The following DLC1 variants were observed in gnomAD, a reference collection of about 807,000 sequenced individuals.
The protein encoded by DLC1 is rho GTPase-activating protein 7.
In DLC1, 54 loss-of-function variants were observed where a neutral mutation model predicts 140.3. That is an observed-to-expected ratio of 0.38 (90% CI 0.31 to 0.48). The LOEUF is 0.48. Among genes scored for constraint, DLC1 ranks in the 20% least tolerant of loss-of-function variants. DLC1 has a pLI of 0.96. For missense variants in DLC1, 2,536 were observed against 1,907.0 expected (o/e 1.33, Z -6.14); for synonymous variants, 986 against 728.1 (o/e 1.35, Z -5.70).
intron 2 of DLC1, among the ~76,000 whole-genome samples, chr8:13,465,442 G>A (rs1799887800): frequency 6.6e-6 from 1 of 152,176 alleles, no homozygotes; most frequent in African/African-American, 2.4e-5. Flanking sequence ...AATCTAGAGA[G>A]AGTGAAATGG....
chr8:13,471,183 C>T (rs1185116007), intron 2 of DLC1, among the ~76,000 whole-genome samples: 1 of 151,168 alleles, frequency 6.6e-6, no homozygotes, highest in Non-Finnish European at 1.5e-5. Context: ...TCAAGGGGTA[C>T]AAAGTTTTAA....
In DLC1 at chr8:13,083,813, C is replaced by G. The variant is rs1488098309; in HGVS notation, c.*1998G>C. 1.3e-5 allele frequency: 2 copies of G among 152,584 alleles called. No homozygotes were observed. Among genetic ancestry groups the G allele is most frequent in the African/African-American group, 4.8e-5 (2 of 41,442 alleles). 9.5% of individuals were successfully genotyped at this position (152,584 alleles called of 1,614,324 possible). On this transcript the variant is annotated 3_prime_UTR_variant, in exon 18 of 18. Coordinates refer to ENST00000276297, the MANE Select transcript of DLC1 (RefSeq NM_182643.3). ...ATTTGCAGTCCGATTTTTCCTTCAG[C>G]AAATCGCTCTTTTGATTGTAGTTGA...
In DLC1 at chr8:13,278,226, C is replaced by A. The variant is rs141290543; in HGVS notation, c.1348+27043G>T. ...ACCTCCGTGCCTGCACGGGCCAATTCCAAATGAAAATCCTCTATTAAAGAT... is the reference window on the plus strand; with the variant it reads ...ACCTCCGTGCCTGCACGGGCCAATTACAAATGAAAATCCTCTATTAAAGAT... On this transcript the variant is annotated intron_variant, in intron 5 of 17. Coordinates refer to ENST00000276297, the MANE Select transcript of DLC1 (RefSeq NM_182643.3). Among the ~76,000 whole-genome samples the A allele has an allele frequency of 2.2e-3, 329 of 152,284 alleles. 2 individuals are homozygous for A. The highest frequency in any genetic ancestry group is 4.8e-3 in the Admixed American group (74 of 15,296).
intron 5 of DLC1, among the ~76,000 whole-genome samples, chr8:13,126,724 A>G (rs1484400941): frequency 1.3e-5 from 2 of 152,238 alleles, no homozygotes; most frequent in Admixed American, 6.5e-5. Flanking sequence ...TGGCATACAA[A>G]TAAACTCTTT....
intron 4 of DLC1, among the ~76,000 whole-genome samples, chr8:13,371,496 G>A (rs1835726763): frequency 6.6e-6 from 1 of 151,896 alleles, no homozygotes; most frequent in Admixed American, 6.6e-5. Flanking sequence ...GAACATGTAA[G>A]TCCATGTACC....
At chr8:13,385,060 G>C (rs568244409) in intron 4 of DLC1, among the ~76,000 whole-genome samples, 10 of 152,170 alleles carry the variant, frequency 6.6e-5, no homozygotes, top group Non-Finnish European at 1.3e-4. Context: ...CAGTCAGCTT[G>C]GCTGGGACAG....
chr8:13,207,741 G>T (rs1402684683), intron 5 of DLC1, among the ~76,000 whole-genome samples: 1 of 152,102 alleles, frequency 6.6e-6, no homozygotes, highest in East Asian at 1.9e-4. Flanking sequence ...GTCACACCTG[G>T]GGGAGGTACT....
intron 5 of DLC1, among the ~76,000 whole-genome samples, chr8:13,220,471 A>T (rs1464955432): frequency 6.6e-6 from 1 of 152,154 alleles, no homozygotes; most frequent in South Asian, 2.1e-4. Flanking sequence ...TAAAGCACAA[A>T]ATATATTTTC....
chr8:13,231,699 A>G (rs1240237266), intron 5 of DLC1, among the ~76,000 whole-genome samples: 1 of 152,244 alleles, frequency 6.6e-6, no homozygotes, highest in Non-Finnish European at 1.5e-5. Context: ...GGAGACTGAG[A>G]TATTTGTCTA....
At chr8:13,538,368 T>TAA (rs72199875) in intron 1 of DLC1, among the ~76,000 whole-genome samples, 3 of 143,978 alleles carry the variant, frequency 2.1e-5, no homozygotes, top group African/African-American at 5.0e-5. Flanking sequence ...GCACTGAGTA[T>TAA]AAAAAAAAAA....
chr8:13,274,080 A>T (rs964603684), intron 5 of DLC1, among the ~76,000 whole-genome samples: 1 of 152,222 alleles, frequency 6.6e-6, no homozygotes, highest in Admixed American at 6.5e-5. Context: ...GTGGTAGGAC[A>T]TATAACAAAG....
At chr8:13,108,044 CAAAAAAAT>C (rs1284570436) in intron 7 of DLC1, among the ~76,000 whole-genome samples, 1 of 151,572 alleles carries the variant, frequency 6.6e-6, no homozygotes, top group African/African-American at 2.4e-5. Flanking sequence ...GACTCCATCT[CAAAAAAAT>C]AAAAAAATAA....
intron 2 of DLC1, among the ~76,000 whole-genome samples, chr8:13,414,015 A>G (rs1449719241): frequency 6.6e-6 from 1 of 152,184 alleles, no homozygotes; most frequent in Non-Finnish European, 1.5e-5. Context: ...TCAGTGATAT[A>G]AAAATAAACG....
chr8:13,399,130 A>G (rs1005345410), intron 3 of DLC1, among the ~76,000 whole-genome samples: 5 of 152,176 alleles, frequency 3.3e-5, no homozygotes, highest in Admixed American at 6.5e-5. Flanking sequence ...AAATATCCCA[A>G]GAGACCGTCA....
chr8:13,262,512 A>T (rs1476036618), intron 5 of DLC1, among the ~76,000 whole-genome samples: 4 of 152,180 alleles, frequency 2.6e-5, no homozygotes, highest in Admixed American at 6.5e-5. Context: ...CAAATTCACC[A>T]ATATTGCCAG....
At chr8:13,463,557 G>A (rs187508566) in intron 2 of DLC1, among the ~76,000 whole-genome samples, 4 of 152,246 alleles carry the variant, frequency 2.6e-5, no homozygotes, top group African/African-American at 7.2e-5. Flanking sequence ...CTTTGAAATA[G>A]GCCTGTTGAA....
intron 5 of DLC1, among the ~76,000 whole-genome samples, chr8:13,137,989 G>T (rs914969401): frequency 6.6e-6 from 1 of 152,168 alleles, no homozygotes; most frequent in Admixed American, 6.6e-5. Flanking sequence ...AGCATGGAAA[G>T]AAAGATTACG....
At chr8:13,330,040 C>T (rs887680516) in intron 4 of DLC1, among the ~76,000 whole-genome samples, 1 of 152,166 alleles carries the variant, frequency 6.6e-6, no homozygotes, top group Admixed American at 6.5e-5. Context: ...TCGTAGCTCA[C>T]TGCAGCCTCT....
intron 2 of DLC1, among the ~76,000 whole-genome samples, chr8:13,458,562 G>A (rs1057309994): frequency 1.3e-5 from 2 of 152,060 alleles, no homozygotes; most frequent in Non-Finnish European, 2.9e-5. Context: ...TTTGCTCTCT[G>A]TTACCACAGA....
Sources: gnomAD v4.1 joint callset for allele counts (sites outside exome capture counted in the v4.1 genomes callset) on GRCh38, gnomAD v4.1.1 for gene constraint, MANE v1.5 for transcripts, NCBI Gene and HGNC (gene_info 2026-07-23, HGNC 2026-07-21) for gene names.